SHISA9: variants seen among roughly 807,000 people sequenced by gnomAD.
SHISA9 encodes protein shisa-9.
In SHISA9, 13 loss-of-function variants were observed where a neutral mutation model predicts 38.0. The ratio of observed to expected loss-of-function variants is 0.34; its 90% CI spans 0.22 to 0.54. The LOEUF (loss-of-function observed/expected upper bound fraction) is 0.54. SHISA9 is among the 20% of genes least tolerant of loss of function. The probability of loss-of-function intolerance (pLI) is 0.91; values close to 1 mark genes in which losing one functional copy is unlikely to be tolerated. For synonymous variants in SHISA9, 275 were observed against 242.0 expected, an observed-to-expected ratio of 1.14 and a Z score of -1.27; for missense variants, 538 against 575.8, an observed-to-expected ratio of 0.93 and a Z score of 0.67.
At chr16:12,961,370 G>A (rs2071910078) in intron 2 of SHISA9, among the ~76,000 whole-genome samples, 1 of 152,174 alleles carries the variant, frequency 6.6e-6, no homozygotes, top group African/African-American at 2.4e-5. Flanking sequence ...TGACGGCAAT[G>A]GAGATCCATG....
chr16:13,430,580 T>G, the SHISA9 span, among the ~76,000 whole-genome samples: 1 of 152,098 alleles, frequency 6.6e-6, no homozygotes, highest in Non-Finnish European at 1.5e-5. Flanking sequence ...ACTTTATCTT[T>G]CATCAGGAGG....
chr16:13,416,744 AAGGAAGG>A, the SHISA9 span, among the ~76,000 whole-genome samples: 29 of 71,072 alleles, frequency 4.1e-4, no homozygotes, highest in African/African-American at 1.6e-3. Context: ...GAAAGAAAGA[AAGGAAGG>A]AAGGAAGGAA....
chr16:13,336,571 T>C, the SHISA9 span, among the ~76,000 whole-genome samples: 3 of 152,224 alleles, frequency 2.0e-5, no homozygotes, highest in Admixed American at 2.0e-4. Context: ...CATTCTCTCC[T>C]TCTCAAGAAG....
the SHISA9 span, among the ~76,000 whole-genome samples, chr16:13,291,248 T>C: frequency 6.6e-6 from 1 of 152,140 alleles, no homozygotes; most frequent in East Asian, 1.9e-4. Context: ...TTGCACAATA[T>C]CACTTCCACC....
At chr16:12,947,053 G>T (rs573273303) in intron 2 of SHISA9, among the ~76,000 whole-genome samples, 192 of 152,268 alleles carry the variant, frequency 1.3e-3, no homozygotes, top group African/African-American at 4.4e-3. Context: ...CCAGCATTTG[G>T]TCGAGGGGAA....
chr16:13,346,457 A>G, the SHISA9 span, among the ~76,000 whole-genome samples: 1 of 152,186 alleles, frequency 6.6e-6, no homozygotes, highest in African/African-American at 2.4e-5. Flanking sequence ...ACAGCCTTCT[A>G]TTAAATGTAC....
chr16:13,161,812 C>G (rs1188637099), intron 2 of SHISA9, among the ~76,000 whole-genome samples: 1 of 151,408 alleles, frequency 6.6e-6, no homozygotes, highest in Non-Finnish European at 1.5e-5. Context: ...GTTTTTTTTT[C>G]CTCTATCGGT....
chr16:13,174,410 C>T (rs2050714200), intron 2 of SHISA9, among the ~76,000 whole-genome samples: 1 of 152,190 alleles, frequency 6.6e-6, no homozygotes, highest in Admixed American at 6.5e-5. Context: ...CCTTGACTGT[C>T]TCTTGGGAGT....
At chr16:13,185,227 G>A (rs1343250176) in intron 2 of SHISA9, among the ~76,000 whole-genome samples, 3 of 151,992 alleles carry the variant, frequency 2.0e-5, no homozygotes, top group Non-Finnish European at 2.9e-5. Context: ...TTAGAAACAG[G>A]GTCTTGCTCT....
At chr16:13,495,049 ATTAG>A in the SHISA9 span, among the ~76,000 whole-genome samples, 1 of 152,194 alleles carries the variant, frequency 6.6e-6, no homozygotes, top group Admixed American at 6.5e-5. Context: ...GAGACATATT[ATTAG>A]TTGTTGCCAA....
the SHISA9 span, chr16:13,332,454 G>A: frequency 6.6e-6 from 1 of 152,232 alleles, no homozygotes; most frequent in Non-Finnish European, 1.5e-5. Context: ...AACACTGAAA[G>A]CGAGAGAGAT....
chr16:13,100,669 A>G (rs2141956813), intron 2 of SHISA9, among the ~76,000 whole-genome samples: 1 of 152,332 alleles, frequency 6.6e-6, no homozygotes. Context: ...GCTGTCCTTA[A>G]AAACAGAGAA....
At chr16:13,241,687 G>A (rs983089864), downstream of SHISA9, among the ~76,000 whole-genome samples, 1 of 152,134 alleles carries the variant, frequency 6.6e-6, no homozygotes, top group African/African-American at 2.4e-5. Flanking sequence ...TGGATGCTTA[G>A]AGACATTGTC....
the SHISA9 span, among the ~76,000 whole-genome samples, chr16:13,394,296 A>G: frequency 2.0e-5 from 3 of 152,182 alleles, no homozygotes; most frequent in South Asian, 4.1e-4. Context: ...AGCAGCGTTA[A>G]TGTCCTTGTT....
At chr16:13,468,812 C>T in the SHISA9 span, among the ~76,000 whole-genome samples, 4 of 151,612 alleles carry the variant, frequency 2.6e-5, no homozygotes, top group African/African-American at 9.7e-5. Flanking sequence ...CCCTGTCTGT[C>T]TCTATGAAGA....
chr16:13,085,739 C>T (rs931669303), intron 2 of SHISA9, among the ~76,000 whole-genome samples: 4 of 152,284 alleles, frequency 2.6e-5, no homozygotes, highest in Admixed American at 6.5e-5. Flanking sequence ...AAGCTACCTT[C>T]GCAGTCTTAT....
At chr16:13,556,612 T>G in the SHISA9 span, among the ~76,000 whole-genome samples, 236 of 151,624 alleles carry the variant, frequency 1.6e-3, no homozygotes, top group African/African-American at 5.3e-3. Flanking sequence ...GCAGTGAGCC[T>G]AGATCGCGCC....
intron 2 of SHISA9, among the ~76,000 whole-genome samples, chr16:12,922,446 G>A (rs1403819416): frequency 6.6e-6 from 1 of 152,208 alleles, no homozygotes; most frequent in South Asian, 2.1e-4. Context: ...TCATACCCCA[G>A]TGGCTATCTC....
At chr16:13,154,069 G>T (rs2050522336) in intron 2 of SHISA9, among the ~76,000 whole-genome samples, 2 of 152,126 alleles carry the variant, frequency 1.3e-5, no homozygotes, top group African/African-American at 4.8e-5. Flanking sequence ...AATTGCAGAG[G>T]CTCAGAGAAG....
Sources: allele counts gnomAD v4.1 joint callset (sites outside exome capture counted in the v4.1 genomes callset), GRCh38; gene constraint gnomAD v4.1.1; transcripts MANE v1.5; gene names NCBI Gene and HGNC (gene_info 2026-07-23, HGNC 2026-07-21).